Variants in GABRG3 observed in about 807,000 individuals in gnomAD.
GABRG3 encodes the protein gamma-aminobutyric acid receptor subunit gamma-3.
GABRG3 carries 25 observed loss-of-function variants against 48.8 expected under a neutral mutation model. That is an observed-to-expected ratio of 0.51 (90% CI 0.37 to 0.72). The LOEUF (loss-of-function observed/expected upper bound fraction) is 0.72, where lower values mean the gene tolerates loss of function less well. GABRG3 is among the 30% of genes least tolerant of loss of function. The pLI, the probability that GABRG3 is intolerant of heterozygous loss-of-function variation, is 0.00. For synonymous variants in GABRG3, 227 were observed against 217.6 expected, an observed-to-expected ratio of 1.04 and a Z score of -0.38; for missense variants, 394 against 577.9, an observed-to-expected ratio of 0.68 and a Z score of 3.26.
intron 5 of GABRG3, chr15:27,350,192 A>T (rs1315710081): frequency 1.3e-5 from 6 of 455,858 alleles, no homozygotes; most frequent in Non-Finnish European, 2.6e-5. Context: ...TTCAAGCTTG[A>T]TGGTGTCTTA....
In GABRG3 at chr15:26,979,348, C is replaced by T. The variant is rs548778143; in HGVS notation, c.202+2198C>T. 1.3e-3 allele frequency among the ~76,000 whole-genome samples: 193 copies of T among 151,986 alleles called. 1 individual carries two copies. The highest frequency in any genetic ancestry group is 0.01 in the Middle Eastern group (3 of 294). Reference sequence around the variant, plus strand: ...GTATCTTTTATTTATTTTTTCTTGCCTGTTGCACTGGCTAGAACTCCCAGC... The same window carrying T: ...GTATCTTTTATTTATTTTTTCTTGCTTGTTGCACTGGCTAGAACTCCCAGC... On this transcript the variant is annotated intron_variant, in intron 2 of 9. Transcript: ENST00000615808.
chr15:27,188,344 A>G (rs1349101398), intron 3 of GABRG3, among the ~76,000 whole-genome samples: 1 of 152,226 alleles, frequency 6.6e-6, no homozygotes, highest in Non-Finnish European at 1.5e-5. Flanking sequence ...AGTCCCACCA[A>G]CAGTGTAAAA....
At chr15:27,486,674 C>T (rs374782611) in intron 6 of GABRG3, among the ~76,000 whole-genome samples, 11 of 152,200 alleles carry the variant, frequency 7.2e-5, no homozygotes, top group African/African-American at 2.4e-4. Flanking sequence ...GACCCATCCA[C>T]GCACTCCTCT....
At chr15:27,021,604 G>A (rs971131271) in intron 2 of GABRG3, among the ~76,000 whole-genome samples, 3 of 152,334 alleles carry the variant, frequency 2.0e-5, no homozygotes, top group East Asian at 3.9e-4. Flanking sequence ...ACTTTGGGAG[G>A]CCCAAGCGGG....
At chr15:27,476,735 G>A (rs369959911) in intron 5 of GABRG3, among the ~76,000 whole-genome samples, 1 of 152,144 alleles carries the variant, frequency 6.6e-6, no homozygotes. Flanking sequence ...CAGAGGAGAA[G>A]AGAAGAGAAG....
intron 5 of GABRG3, among the ~76,000 whole-genome samples, chr15:27,390,975 G>T (rs1896205538): frequency 6.6e-6 from 1 of 151,960 alleles, no homozygotes; most frequent in Admixed American, 6.6e-5. Flanking sequence ...TGTAATCCCA[G>T]CTACTAGGAG....
chr15:27,174,662 T>C (rs1027095990), intron 3 of GABRG3, among the ~76,000 whole-genome samples: 1 of 151,908 alleles, frequency 6.6e-6, no homozygotes, highest in Non-Finnish European at 1.5e-5. Flanking sequence ...TGTAGGTCCT[T>C]ATGTTTTCAA....
chr15:27,168,789 T>G (rs537029740), intron 3 of GABRG3, among the ~76,000 whole-genome samples: 28 of 152,338 alleles, frequency 1.8e-4, no homozygotes, highest in Admixed American at 1.6e-3. Context: ...GATCTTGGAC[T>G]TTTCAGCCTT....
chr15:27,288,007 G>C (rs991144325), intron 3 of GABRG3, among the ~76,000 whole-genome samples: 2 of 152,096 alleles, frequency 1.3e-5, no homozygotes, highest in African/African-American at 4.8e-5. Context: ...AAAGTGCTGG[G>C]ATTACAGGTG....
At chr15:27,213,181 AAGG>A (rs890089488) in intron 3 of GABRG3, among the ~76,000 whole-genome samples, 26 of 152,350 alleles carry the variant, frequency 1.7e-4, no homozygotes, top group Non-Finnish European at 3.2e-4. Context: ...CAGTGACAAA[AAGG>A]AGGAGAAGTA....
chr15:27,298,533 A>G (rs1246165429), intron 3 of GABRG3, among the ~76,000 whole-genome samples: 1 of 152,172 alleles, frequency 6.6e-6, no homozygotes, highest in African/African-American at 2.4e-5. Flanking sequence ...AGCACGTTAC[A>G]TAAGATAAGG....
At chr15:27,099,768 A>G (rs1897324963) in intron 3 of GABRG3, among the ~76,000 whole-genome samples, 2 of 152,304 alleles carry the variant, frequency 1.3e-5, no homozygotes, top group Admixed American at 1.3e-4. Context: ...GAGAAGTAGA[A>G]GAATGAGAAA....
At chr15:27,418,472 G>A (rs1429609760) in intron 5 of GABRG3, among the ~76,000 whole-genome samples, 4 of 152,096 alleles carry the variant, frequency 2.6e-5, no homozygotes, top group African/African-American at 4.8e-5. Context: ...GCAAGGGTAC[G>A]GCAATGGTGC....
chr15:27,276,541 T>G (rs1319537690), intron 3 of GABRG3, among the ~76,000 whole-genome samples: 3 of 152,182 alleles, frequency 2.0e-5, no homozygotes, highest in Admixed American at 6.5e-5. Flanking sequence ...ACAGTAAAGC[T>G]TCAGTGTACT....
At chr15:26,979,669 A>G (rs1340905521) in intron 2 of GABRG3, among the ~76,000 whole-genome samples, 1 of 152,180 alleles carries the variant, frequency 6.6e-6, no homozygotes, top group Non-Finnish European at 1.5e-5. Flanking sequence ...ATGGTGGATT[A>G]TATTAATTGA....
chr15:27,309,028 C>A (rs1566775550), intron 3 of GABRG3, among the ~76,000 whole-genome samples: 1 of 149,008 alleles, frequency 6.7e-6, no homozygotes, highest in East Asian at 2.0e-4. Flanking sequence ...TATATAGAAA[C>A]ATAATGTAAA....
At position 27,265,881 on chromosome 15, in the gene GABRG3, G is replaced by GTTTTTTTTTTTTT. The variant is rs147459440; in HGVS notation, c.271-60928_271-60927insTTTTTTTTTTTTT. 4.1e-3 allele frequency among the ~76,000 whole-genome samples: 517 copies of GTTTTTTTTTTTTT among 124,732 alleles called. 11 individuals are homozygous for GTTTTTTTTTTTTT. Among genetic ancestry groups the GTTTTTTTTTTTTT allele is most frequent in the East Asian group, 0.024 (109 of 4,542 alleles). The allele number at this position is 124,732 out of a possible 152,430, so 81.8% of individuals were successfully genotyped here. A position where few individuals can be genotyped will look rare whatever the true frequency, so the allele number is the denominator to read the frequency against. On this transcript the variant is annotated intron_variant, in intron 3 of 9. Transcript: ENST00000615808. The stretch of plus-strand genomic sequence containing the variant: ...TGCAAGGTCAAGAAGATTTTCTCCT[G>GTTTTTTTTTTTTT]GTTTTTTTTTTTTTTTGAGAGTGAC...
chr15:27,077,946 C>T (rs892645069), intron 3 of GABRG3, among the ~76,000 whole-genome samples: 2 of 152,136 alleles, frequency 1.3e-5, no homozygotes, highest in African/African-American at 4.8e-5. Flanking sequence ...GCCTCCCCGC[C>T]GGGGGTTTGG....
intron 5 of GABRG3, among the ~76,000 whole-genome samples, chr15:27,469,604 G>C (rs183706810): frequency 1.3e-5 from 2 of 152,288 alleles, no homozygotes; most frequent in Admixed American, 1.3e-4. Context: ...GCCTCCCAAA[G>C]TGCTGGGATC....
Sources: gnomAD v4.1 joint callset for allele counts (sites outside exome capture counted in the v4.1 genomes callset) on GRCh38, gnomAD v4.1.1 for gene constraint, MANE v1.5 for transcripts, NCBI Gene and HGNC (gene_info 2026-07-23, HGNC 2026-07-21) for gene names.